Variants in C6orf163 observed in about 807,000 individuals in gnomAD.
The protein encoded by C6orf163 is uncharacterized protein C6orf163.
C6orf163 carries 22 observed loss-of-function variants against 28.4 expected under a neutral mutation model. The ratio of observed to expected loss-of-function variants is 0.78; its 90% confidence interval spans 0.55 to 1.11. The LOEUF is 1.11. C6orf163 is among the 50% of genes least tolerant of loss of function. The pLI is 0.00. For synonymous variants in C6orf163, 110 were observed against 123.6 expected, an observed-to-expected ratio of 0.89 and a Z score of 0.73; for missense variants, 342 against 389.1, an observed-to-expected ratio of 0.88 and a Z score of 1.02.
chr6:87,364,814 A>T, intron 4 of C6orf163, 147 bp from the exon 5 acceptor site: 1 of 633,860 alleles, frequency 1.6e-6, no homozygotes, highest in Non-Finnish European at 2.7e-6. Context: ...ATAACAGCTA[A>T]TGCAATCCAA....
chr6:87,346,368 G>A (rs2127929285), intron 1 of C6orf163, among the ~76,000 whole-genome samples: 1 of 152,286 alleles, frequency 6.6e-6, no homozygotes, highest in East Asian at 1.9e-4. Context: ...TAAGTGCTTA[G>A]TATGAATGAT....
chr6:87,364,857 T>C (rs934734097), intron 4 of C6orf163, 104 bp from the exon 5 acceptor site: 9 of 815,496 alleles, frequency 1.1e-5, no homozygotes, highest in Non-Finnish European at 1.3e-5. Flanking sequence ...CTCAGGCTGG[T>C]GGCTCATCTC....
In C6orf163 at chr6:87,347,152, C is replaced by T. The variant is rs556399564; in HGVS notation, c.149-1660C>T. Among the ~76,000 whole-genome samples, 5 of 152,324 alleles carry T rather than the reference C, an allele frequency of 3.3e-5. No individual in the cohort carries two copies. In the South Asian group the frequency reaches 1.0e-3, roughly 32 times the overall value. On this transcript the variant is annotated intron_variant, in intron 1 of 4. Coordinates refer to ENST00000388923, the MANE Select transcript of C6orf163 (RefSeq NM_001010868.3). ...CTTCTCCCCAAACTTGAACCCCTGA[C>T]AACCACTAATCTGTTCTCTATCACT...
chr6:87,354,674 T>C (rs989553381), intron 3 of C6orf163, among the ~76,000 whole-genome samples: 1 of 152,240 alleles, frequency 6.6e-6, no homozygotes, highest in African/African-American at 2.4e-5. Flanking sequence ...TGAGGCCACT[T>C]GGAGAGATTC....
intron 3 of C6orf163, 98 bp downstream of exon 3, chr6:87,350,599 G>A: frequency 1.4e-6 from 1 of 702,406 alleles, no homozygotes; most frequent in Non-Finnish European, 2.3e-6. Flanking sequence ...AGGAAATCTA[G>A]ACTGGTGTTT....
chr6:87,345,228 C>T lies in C6orf163; in HGVS notation c.129C>T (p.Tyr43=). The part of the protein sequence containing the change: ...HEYKPLKTRF[Y]THKDILDIGA... ...ACAAGCCACTTAAGACACGCTTTTA[C>T]ACTCACAAAGACATACTAGGTAAGT... The change falls in exon 1 of 5, where the codon TAC becomes TAT. Residue 43 remains tyrosine, a synonymous_variant. Coordinates refer to ENST00000388923, the MANE Select transcript of C6orf163 (RefSeq NM_001010868.3). 6.5e-7 allele frequency: 1 copy of T among 1,532,620 alleles called. No homozygotes were observed. Among genetic ancestry groups the T allele is most frequent in the Non-Finnish European group, 8.7e-7 (1 of 1,145,752 alleles). The allele number at this position is 1,532,620 out of a possible 1,614,324, so 94.9% of individuals were successfully genotyped here.
chr6:87,345,276 C>A, intron 1 of C6orf163, 29 bp downstream of exon 1: 1 of 1,500,360 alleles, frequency 6.7e-7, no homozygotes, highest in South Asian at 1.3e-5. Context: ...TTCCTTTGTT[C>A]TAATGCTTCA....
At chr6:87,349,001 C>A in intron 2 of C6orf163, 95 bp downstream of exon 2, 2 of 1,431,972 alleles carry the variant, frequency 1.4e-6, no homozygotes, top group South Asian at 1.4e-5. Context: ...GTAGTCAGAA[C>A]TGACTGAATC....
At chr6:87,348,089 A>G (rs1582103906) in intron 1 of C6orf163, 2 of 623,310 alleles carry the variant, frequency 3.2e-6, no homozygotes, top group Non-Finnish European at 4.0e-6. Flanking sequence ...CGGGAGGCGG[A>G]GGTTGCAGTG....
At chr6:87,348,292 T>G in intron 1 of C6orf163, 2 of 985,340 alleles carry the variant, frequency 2.0e-6, no homozygotes, top group South Asian at 9.4e-5. Context: ...GAAATCAAAT[T>G]AGATCATTGA....
At chr6:87,355,656 A>C (rs1263762560) in intron 3 of C6orf163, among the ~76,000 whole-genome samples, 1 of 152,206 alleles carries the variant, frequency 6.6e-6, no homozygotes, top group Non-Finnish European at 1.5e-5. Context: ...ACATATTGTT[A>C]TATTTCTGTA....
intron 1 of C6orf163, chr6:87,347,640 A>G: frequency 1.0e-6 from 1 of 985,326 alleles, no homozygotes; most frequent in Non-Finnish European, 1.2e-6. Context: ...TGCTAGTGAC[A>G]GAAACATAAC....
intron 3 of C6orf163, among the ~76,000 whole-genome samples, chr6:87,353,491 A>G (rs190080511): frequency 2.2e-4 from 33 of 151,984 alleles, no homozygotes; most frequent in Admixed American, 1.3e-3. Flanking sequence ...AAATTCAGGC[A>G]TACAACGGTC....
chr6:87,348,138 A>T, intron 1 of C6orf163: 1 of 940,696 alleles, frequency 1.1e-6, no homozygotes, highest in Non-Finnish European at 1.3e-6. Flanking sequence ...CTGGGCTACA[A>T]AGCAAGACTC....
At chr6:87,362,040 A>G (rs1049416899) in intron 4 of C6orf163, among the ~76,000 whole-genome samples, 1 of 152,190 alleles carries the variant, frequency 6.6e-6, no homozygotes, top group Non-Finnish European at 1.5e-5. Flanking sequence ...CGAAAAATGT[A>G]TAGTGCCCAC....
chr6:87,349,650 T>C (rs1777381306), intron 2 of C6orf163, among the ~76,000 whole-genome samples: 1 of 152,242 alleles, frequency 6.6e-6, no homozygotes, highest in Non-Finnish European at 1.5e-5. Flanking sequence ...ATAGACATTA[T>C]AGCAAATAGT....
At position 87,345,222 on chromosome 6, in the gene C6orf163, C is replaced by A; in HGVS notation, c.123C>A (p.Arg41=). Residue 41 remains arginine, a synonymous_variant, in exon 1 of 5, where the codon CGC becomes CGA. Coordinates refer to ENST00000388923, the MANE Select transcript of C6orf163 (RefSeq NM_001010868.3). ...ATGAATACAAGCCACTTAAGACACG[C>A]TTTTACACTCACAAAGACATACTAG... ...RIHEYKPLKT[R]FYTHKDILDI... 1 of 1,533,316 alleles carries A rather than the reference C, an allele frequency of 6.5e-7. No homozygotes were observed. Among genetic ancestry groups the A allele is most frequent in the Non-Finnish European group, 8.7e-7 (1 of 1,145,954 alleles). The allele number at this position is 1,533,316 out of a possible 1,614,324, so 95.0% of individuals were successfully genotyped here. A position where few individuals can be genotyped will look rare whatever the true frequency, so the allele number is the denominator to read the frequency against.
intron 4 of C6orf163, 114 bp downstream of exon 4, chr6:87,356,617 A>C (rs1777506462): frequency 1.1e-6 from 1 of 907,440 alleles, no homozygotes; most frequent in African/African-American, 1.7e-5. Context: ...GTGTTTTTAC[A>C]TTTTTATTAT....
intron 1 of C6orf163, chr6:87,348,274 A>G (rs554081538): frequency 1.0e-6 from 1 of 984,770 alleles, no homozygotes; most frequent in African/African-American, 1.7e-5. Flanking sequence ...TGGGAATGTT[A>G]TTATTTGGAA....
Sources: gnomAD v4.1 joint callset for allele counts (sites outside exome capture counted in the v4.1 genomes callset) on GRCh38, gnomAD v4.1.1 for gene constraint, MANE v1.5 for transcripts, NCBI Gene and HGNC (gene_info 2026-07-23, HGNC 2026-07-21) for gene names.